The following EPHA4 variants were observed in gnomAD, a reference collection of about 807,000 sequenced individuals.
EPHA4 encodes the protein EPH receptor A4, also known as ephrin type-A receptor 4.
In EPHA4, 19 loss-of-function variants were observed where a neutral mutation model predicts 108.3. The observed-to-expected ratio is 0.18, with a 90% CI of 0.12 to 0.26. EPHA4 has a LOEUF of 0.26. Among genes scored for constraint, EPHA4 ranks in the 10% least tolerant of loss-of-function variants. The probability of loss-of-function intolerance (pLI) is 1.00; values close to 1 mark genes in which losing one functional copy is unlikely to be tolerated. For synonymous variants in EPHA4, 449 were observed against 455.5 expected (o/e 0.99, Z 0.18); for missense variants, 917 against 1,254.0 (o/e 0.73, Z 4.06).
intron 3 of EPHA4, among the ~76,000 whole-genome samples, chr2:221,548,819 T>TCTTA (rs542990283): frequency 1.2e-3 from 182 of 152,280 alleles, no homozygotes; most frequent in African/African-American, 4.2e-3. Context: ...TATCTTAGAA[T>TCTTA]CTTAGTAACC....
intron 5 of EPHA4, among the ~76,000 whole-genome samples, chr2:221,467,237 G>A (rs1691340002): frequency 1.3e-5 from 2 of 152,204 alleles, no homozygotes; most frequent in South Asian, 4.1e-4. Context: ...ATGTTCTATT[G>A]TTCTGTTCCT....
intron 14 of EPHA4, among the ~76,000 whole-genome samples, chr2:221,431,192 C>T (rs772127193): frequency 6.6e-6 from 1 of 152,210 alleles, no homozygotes; most frequent in Non-Finnish European, 1.5e-5. Flanking sequence ...TCTGGAGGTG[C>T]TTTTATTTGT....
chr2:221,519,026 T>C (rs1432495005), intron 3 of EPHA4, among the ~76,000 whole-genome samples: 1 of 152,154 alleles, frequency 6.6e-6, no homozygotes, highest in African/African-American at 2.4e-5. Context: ...GTGGGGCTGG[T>C]GCAAGAAGAA....
chr2:221,505,464 T>C (rs1334115938), intron 3 of EPHA4, among the ~76,000 whole-genome samples: 2 of 152,018 alleles, frequency 1.3e-5, no homozygotes, highest in Non-Finnish European at 2.9e-5. Context: ...TAGCTGGGAT[T>C]ACAGGCGCCT....
At chr2:221,564,887 CAAA>C (rs1233305564) in intron 2 of EPHA4, among the ~76,000 whole-genome samples, 4,614 of 72,922 alleles carry the variant, frequency 0.063, 208 homozygotes, top group African/African-American at 0.2. Flanking sequence ...TCTAATACCT[CAAA>C]AAAAAAAAAA....
At chr2:221,479,412 T>A (rs1044894639) in intron 5 of EPHA4, among the ~76,000 whole-genome samples, 2 of 152,224 alleles carry the variant, frequency 1.3e-5, no homozygotes, top group Admixed American at 6.5e-5. Context: ...GAAAGAACCC[T>A]GTGAAAACAG....
intron 3 of EPHA4, among the ~76,000 whole-genome samples, chr2:221,519,839 G>A (rs1458105977): frequency 6.6e-6 from 1 of 152,090 alleles, no homozygotes; most frequent in Non-Finnish European, 1.5e-5. Flanking sequence ...TCAAATGCAA[G>A]GCAAAGAAGC....
At chr2:221,545,855 C>A (rs997667428) in intron 3 of EPHA4, among the ~76,000 whole-genome samples, 1 of 152,194 alleles carries the variant, frequency 6.6e-6, no homozygotes, top group Non-Finnish European at 1.5e-5. Context: ...AGATTCTACA[C>A]TTAAAGGCCA....
chr2:221,549,961 G>T (rs1694111401), intron 3 of EPHA4, among the ~76,000 whole-genome samples: 1 of 152,160 alleles, frequency 6.6e-6, no homozygotes, highest in African/African-American at 2.4e-5. Context: ...AGCCTGGGCA[G>T]CAGAGTGAGA....
At chr2:221,522,305 G>C (rs980652342) in intron 3 of EPHA4, among the ~76,000 whole-genome samples, 2 of 152,320 alleles carry the variant, frequency 1.3e-5, no homozygotes, top group South Asian at 4.1e-4. Context: ...GGAAAATGAG[G>C]CTTGGAAAAA....
At chr2:221,527,482 A>T (rs1693374529) in intron 3 of EPHA4, among the ~76,000 whole-genome samples, 1 of 152,134 alleles carries the variant, frequency 6.6e-6, no homozygotes, top group Non-Finnish European at 1.5e-5. Context: ...GCCCCATATG[A>T]CAGAGGCTCC....
intron 5 of EPHA4, among the ~76,000 whole-genome samples, chr2:221,473,418 T>C (rs1691552976): frequency 6.6e-6 from 1 of 152,030 alleles, no homozygotes; most frequent in Non-Finnish European, 1.5e-5. Flanking sequence ...GCCACAGGGA[T>C]GTTGAGACTC....
upstream of EPHA4, chr2:221,572,679 G>A (rs1208552711): frequency 6.5e-6 from 1 of 154,292 alleles, no homozygotes; most frequent in Non-Finnish European, 1.4e-5. Flanking sequence ...GTTTAAGATG[G>A]AGGAAAACGC....
intron 17 of EPHA4, among the ~76,000 whole-genome samples, chr2:221,422,709 C>A (rs1689791975): frequency 1.3e-5 from 2 of 152,134 alleles, no homozygotes; most frequent in Non-Finnish European, 2.9e-5. Context: ...AGCATGTGGT[C>A]TATGTAGGGT....
chr2:221,487,662 GT>G (rs1186077910), intron 4 of EPHA4, among the ~76,000 whole-genome samples: 2 of 152,088 alleles, frequency 1.3e-5, no homozygotes, highest in African/African-American at 4.8e-5. Context: ...AGTAATGGTG[GT>G]TTTTGTCATT....
intron 3 of EPHA4, among the ~76,000 whole-genome samples, chr2:221,534,565 C>T (rs569949278): frequency 6.6e-6 from 1 of 152,302 alleles, no homozygotes; most frequent in Admixed American, 6.5e-5. Context: ...GTGAACTTCC[C>T]TACCTTTTAG....
At chr2:221,549,741 CT>C (rs1265841441) in intron 3 of EPHA4, among the ~76,000 whole-genome samples, 1 of 152,200 alleles carries the variant, frequency 6.6e-6, no homozygotes, top group African/African-American at 2.4e-5. Flanking sequence ...AATCCCAGCA[CT>C]TTGGGGGGCC....
rs927967301 is a variant in EPHA4 at position 221,447,701 on chromosome 2, C to T, written c.1716-1520G>A. On this transcript the variant is annotated intron_variant, in intron 8 of 17. Transcript: ENST00000281821. ...TCTCCTTCCCTAACTGTTTGCAAAG[C>T]AGGAACCAACTTAGCAAAACAGAGA... Among the ~76,000 whole-genome samples, 4 of 152,268 alleles carry T rather than the reference C, an allele frequency of 2.6e-5. No individual in the cohort carries two copies. In the South Asian group the frequency reaches 8.3e-4, roughly 32 times the overall value.
At chr2:221,525,355 A>T (rs1190362482) in intron 3 of EPHA4, among the ~76,000 whole-genome samples, 1 of 152,218 alleles carries the variant, frequency 6.6e-6, no homozygotes, top group Non-Finnish European at 1.5e-5. Flanking sequence ...TGGATAGTAG[A>T]GCTGTGGAGG....
Sources: gnomAD v4.1 joint callset for allele counts (sites outside exome capture counted in the v4.1 genomes callset) on GRCh38, gnomAD v4.1.1 for gene constraint, MANE v1.5 for transcripts, NCBI Gene and HGNC (gene_info 2026-07-23, HGNC 2026-07-21) for gene names.